CDK5RAP2: variants seen among roughly 807,000 people sequenced by gnomAD.
CDK5RAP2 encodes CDK5 regulatory subunit associated protein 2.
A neutral mutation model predicts 232.9 loss-of-function variants in CDK5RAP2; 147 were observed. The ratio of observed to expected loss-of-function variants is 0.63; its 90% confidence interval spans 0.55 to 0.72. The LOEUF (loss-of-function observed/expected upper bound fraction) is 0.72, where lower values mean the gene tolerates loss of function less well. Among genes scored for constraint, CDK5RAP2 ranks in the 30% least tolerant of loss-of-function variants. The pLI is 0.00. For missense variants in CDK5RAP2, 2,195 were observed against 2,231.5 expected, an observed-to-expected ratio of 0.98 and a Z score of 0.33; for synonymous variants, 833 against 833.7, an observed-to-expected ratio of 1.00 and a Z score of 0.01.
In CDK5RAP2 at chr9:120,400,735, CA is replaced by C; in HGVS notation, c.5451+6del. On this transcript the variant is annotated splice_donor_region_variant and intron_variant, in intron 35 of 37. Coordinates refer to ENST00000349780, the MANE Select transcript of CDK5RAP2 (RefSeq NM_018249.6). ...CTTGAGCCTCTGAAACATGTGTCAC[CA>C]CCTACCTGCTCACAGTGAAGGGGGC... is the stretch of plus-strand genomic sequence containing the variant. The C allele has an allele frequency of 6.2e-7, 1 of 1,613,272 alleles. No individual in the cohort carries two copies. Among genetic ancestry groups the C allele is most frequent in the Non-Finnish European group, 8.5e-7 (1 of 1,180,010 alleles).
intron 25 of CDK5RAP2, 143 bp downstream of exon 25, chr9:120,437,152 G>C: frequency 8.5e-6 from 6 of 702,798 alleles, no homozygotes; most frequent in Non-Finnish European, 1.6e-5. Context: ...GGAAGCAGCA[G>C]CCAGTGTGGT....
At chr9:120,447,010 G>A (rs1448040112) in intron 22 of CDK5RAP2, among the ~76,000 whole-genome samples, 1 of 152,126 alleles carries the variant, frequency 6.6e-6, no homozygotes, top group East Asian at 1.9e-4. Flanking sequence ...AAGAATGTAA[G>A]CTAGACAAAG....
intron 4 of CDK5RAP2, 96 bp from the exon 5 acceptor site, chr9:120,545,886 CA>C: frequency 1.0e-6 from 1 of 954,078 alleles, no homozygotes; most frequent in Non-Finnish European, 1.7e-6. Context: ...AGACTGACTA[CA>C]GGATGCTTGT....
In CDK5RAP2 at chr9:120,545,900, T is replaced by C. The variant is rs576905382; in HGVS notation, c.307-110A>G. Reference sequence around the variant, plus strand: ...CAGACTGACTACAGGATGCTTGTAATAGGCAGATGTTAGATTCCAAAAACC... The same window carrying C: ...CAGACTGACTACAGGATGCTTGTAACAGGCAGATGTTAGATTCCAAAAACC... On this transcript the variant is annotated intron_variant, in intron 4 of 37. Coordinates refer to ENST00000349780, the MANE Select transcript of CDK5RAP2 (RefSeq NM_018249.6). 1.2e-3 allele frequency: 986 copies of C among 844,786 alleles called. 15 individuals are homozygous for C. The South Asian group carries it at 0.013, about 11-fold the overall frequency. The allele number at this position is 844,786 out of a possible 1,614,324, so 52.3% of individuals were successfully genotyped here.
At chr9:120,562,622 T>C (rs1477333457) in intron 3 of CDK5RAP2, among the ~76,000 whole-genome samples, 1 of 151,974 alleles carries the variant, frequency 6.6e-6, no homozygotes, top group Non-Finnish European at 1.5e-5. Context: ...TTCACCCTCA[T>C]TCTCCCACTC....
At chr9:120,437,618 T>G in intron 24 of CDK5RAP2, 91 bp from the exon 25 acceptor site, 1 of 929,242 alleles carries the variant, frequency 1.1e-6, no homozygotes, top group Non-Finnish European at 1.8e-6. Context: ...CAGAGTACAA[T>G]TTTTAAAAGC....
At chr9:120,574,076 C>A (rs2042947503) in intron 1 of CDK5RAP2, among the ~76,000 whole-genome samples, 1 of 152,154 alleles carries the variant, frequency 6.6e-6, no homozygotes, top group South Asian at 2.1e-4. Flanking sequence ...AAGTACCTAG[C>A]AAACAAAGCC....
chr9:120,577,962 G>A (rs2043096735), intron 1 of CDK5RAP2, among the ~76,000 whole-genome samples: 1 of 152,208 alleles, frequency 6.6e-6, no homozygotes, highest in Non-Finnish European at 1.5e-5. Flanking sequence ...GTGAAGAGCA[G>A]ATTTATATTT....
chr9:120,420,652 T>C (rs903738354), intron 26 of CDK5RAP2, among the ~76,000 whole-genome samples: 2 of 152,198 alleles, frequency 1.3e-5, no homozygotes, highest in East Asian at 1.9e-4. Context: ...AACTCCTTAA[T>C]TGATGCTCTT....
chr9:120,420,370 C>T (rs1218166359), intron 26 of CDK5RAP2, among the ~76,000 whole-genome samples: 4 of 152,118 alleles, frequency 2.6e-5, no homozygotes, highest in African/African-American at 9.7e-5. Flanking sequence ...ATAAACTGGC[C>T]CACTGTCTCA....
chr9:120,497,421 TAAAAAAAA>T lies in CDK5RAP2; in HGVS notation c.1312-5952_1312-5945del, dbSNP rs71385064. ...AGAATTATCAATAAAAAAATAAATT[TAAAAAAAA>T]AAAAAAAAAAAAAAAAAAAAAAAAA... On this transcript the variant is annotated intron_variant, in intron 12 of 37. Coordinates refer to ENST00000349780, the MANE Select transcript of CDK5RAP2 (RefSeq NM_018249.6). Among the ~76,000 whole-genome samples, 78 of 23,298 alleles carry T rather than the reference TAAAAAAAA, an allele frequency of 3.3e-3. 1 individual carries two copies. Among genetic ancestry groups the T allele is most frequent in the Admixed American group, 0.017 (20 of 1,152 alleles). The allele number at this position is 23,298 out of a possible 152,430, so 15.3% of individuals were successfully genotyped here.
chr9:120,554,906 T>A (rs1006162600), intron 3 of CDK5RAP2, among the ~76,000 whole-genome samples: 2 of 152,118 alleles, frequency 1.3e-5, no homozygotes, highest in African/African-American at 4.8e-5. Flanking sequence ...GTGCTGGGAT[T>A]ACAGGCATGA....
intron 14 of CDK5RAP2, among the ~76,000 whole-genome samples, chr9:120,481,535 T>C (rs1371238790): frequency 6.8e-6 from 1 of 147,676 alleles, no homozygotes; most frequent in Non-Finnish European, 1.5e-5. Flanking sequence ...TTTTTTGAGA[T>C]GGAGTCTCTC....
chr9:120,439,330 G>A lies in CDK5RAP2; in HGVS notation c.3722+69C>T, dbSNP rs1407348708. The A allele has an allele frequency of 5.4e-6, 7 of 1,287,438 alleles. No individual in the cohort carries two copies. In the Admixed American group the frequency reaches 1.2e-4, roughly 22 times the overall value. The allele number at this position is 1,287,438 out of a possible 1,614,324, so 79.8% of individuals were successfully genotyped here. A position where few individuals can be genotyped will look rare whatever the true frequency, so the allele number is the denominator to read the frequency against. The stretch of plus-strand genomic sequence containing the variant: ...GAGTAGTGTTCTCTTTTAGCTCATG[G>A]GCTCCCACCTAGTGGCAATACTGGG... On this transcript the variant is annotated intron_variant, in intron 24 of 37. Transcript: ENST00000349780.
chr9:120,453,791 C>G lies in CDK5RAP2; in HGVS notation c.2458G>C (p.Asp820His), dbSNP rs770397924. ...TEQEVSGEHL[D>H]GKTEKTPKQK... Reference sequence around the variant, plus strand: ...TTAGGTGTCTTCTCAGTTTTACCATCAAGGTGTTCTCCAGAAACTTCCTGC... The same window carrying G: ...TTAGGTGTCTTCTCAGTTTTACCATGAAGGTGTTCTCCAGAAACTTCCTGC... Residue 820 changes from aspartate to histidine, a missense_variant, in exon 21 of 38, where the codon GAT becomes CAT. Coordinates refer to ENST00000349780, the MANE Select transcript of CDK5RAP2 (RefSeq NM_018249.6). The G allele has an allele frequency of 2.5e-6, 4 of 1,614,204 alleles. No individual in the cohort carries two copies. In the South Asian group the frequency reaches 4.4e-5, roughly 18 times the overall value.
At chr9:120,391,730 G>C (rs747523799) in intron 36 of CDK5RAP2, among the ~76,000 whole-genome samples, 2 of 152,212 alleles carry the variant, frequency 1.3e-5, no homozygotes, top group African/African-American at 2.4e-5. Context: ...GTTTGACCAG[G>C]TAGCAATCAG....
At chr9:120,449,228 TC>T (rs1440420511) in intron 21 of CDK5RAP2, among the ~76,000 whole-genome samples, 1 of 152,138 alleles carries the variant, frequency 6.6e-6, no homozygotes, top group African/African-American at 2.4e-5. Context: ...ACTTACTCCT[TC>T]CTACTTCCCC....
intron 1 of CDK5RAP2, among the ~76,000 whole-genome samples, chr9:120,574,683 C>T (rs1334065769): frequency 6.6e-6 from 1 of 152,232 alleles, no homozygotes; most frequent in Admixed American, 6.5e-5. Context: ...GCACCACACT[C>T]AGCACAGGAC....
At chr9:120,438,501 A>G (rs1350106310) in intron 24 of CDK5RAP2, among the ~76,000 whole-genome samples, 1 of 152,238 alleles carries the variant, frequency 6.6e-6, no homozygotes, top group Non-Finnish European at 1.5e-5. Flanking sequence ...ATGAGTAAAC[A>G]TGGGTACTGG....
Sources: gnomAD v4.1 joint callset for allele counts (sites outside exome capture counted in the v4.1 genomes callset) on GRCh38, gnomAD v4.1.1 for gene constraint, MANE v1.5 for transcripts, NCBI Gene and HGNC (gene_info 2026-07-23, HGNC 2026-07-21) for gene names.